The following NBPF8 variants were observed in gnomAD, a reference collection of about 807,000 sequenced individuals.
NBPF8 encodes NBPF family member NBPF8.
At chr1:120,421,000 G>A (rs1362616637) in intron 1 of NBPF8, among the ~76,000 whole-genome samples, 1 of 144,802 alleles carries the variant, frequency 6.9e-6, no homozygotes, top group Admixed American at 6.8e-5. Context: ...ACAAATGGAC[G>A]ATGTCAGACC....
chr1:120,462,376 T>A (rs2101697214), intron 20 of NBPF8, among the ~76,000 whole-genome samples, 179 bp downstream of exon 18: 1 of 149,606 alleles, frequency 6.7e-6, no homozygotes, highest in South Asian at 2.1e-4. Flanking sequence ...CCTCCCCTTA[T>A]CATTTACTAA....
intron 3 of NBPF8, among the ~76,000 whole-genome samples, chr1:120,428,138 C>G (rs1660772124): frequency 1.3e-5 from 2 of 151,846 alleles, no homozygotes; most frequent in Admixed American, 1.3e-4. Context: ...TTATAATATG[C>G]AAATTTGTTG....
At chr1:120,415,390 T>A (rs1447008032), upstream of NBPF8, among the ~76,000 whole-genome samples, 1 of 100,296 alleles carries the variant, frequency 1.0e-5, no homozygotes. Flanking sequence ...CGAGGCGGGG[T>A]GGGGGGTTGG....
At chr1:120,415,225 A>G (rs1292470593), upstream of NBPF8, among the ~76,000 whole-genome samples, 73,782 of 151,922 alleles carry the variant, frequency 0.49, 19,648 homozygotes, top group African/African-American at 0.69. Flanking sequence ...CACGGATGCC[A>G]TCTGGATGGG....
chr1:120,436,563 A>G lies in NBPF8; in HGVS notation n.211A>G, dbSNP rs1222993785. 5.2e-6 allele frequency: 8 copies of G among 1,538,626 alleles called. No individual in the cohort carries two copies. In the South Asian group the frequency reaches 6.7e-5, roughly 13 times the overall value. ...GGCCCTTGGTCCAGCGAGAAGGCAG[A>G]GATGAACATTCTAGAAATCAACGAG... On this transcript the variant is annotated non_coding_transcript_exon_variant, in exon 1 of 25. Transcript: ENST00000583271.
chr1:120,454,242 G>T lies in NBPF8; in HGVS notation n.2568+128G>T, dbSNP rs1661370120. 7 of 1,552,074 alleles carry T rather than the reference G, an allele frequency of 4.5e-6. No individual in the cohort carries two copies. In the Admixed American group the frequency reaches 1.2e-4, roughly 28 times the overall value. On this transcript the variant is annotated intron_variant and non_coding_transcript_variant, in intron 15 of 24. Coordinates refer to ENST00000583271, the Ensembl canonical transcript of NBPF8. Reference sequence around the variant, plus strand: ...TGATGGGTTTCTAAACAGATATCAGGGAGTTTTTTTGTCCTTCACAGCTAA... The same window carrying T: ...TGATGGGTTTCTAAACAGATATCAGTGAGTTTTTTTGTCCTTCACAGCTAA...
exon 1 of NBPF8, chr1:120,436,362 G>A (rs1312442002): frequency 6.5e-7 from 1 of 1,547,806 alleles, no homozygotes; most frequent in African/African-American, 1.4e-5. Context: ...AAGTGCTGTG[G>A]GAGTGATCAC....
chr1:120,422,671 T>TA (rs1660607661), intron 1 of NBPF8, among the ~76,000 whole-genome samples: 1 of 145,588 alleles, frequency 6.9e-6, no homozygotes, highest in Non-Finnish European at 1.5e-5. Context: ...TTTTGACAAT[T>TA]ATGATAAAAT....
downstream of NBPF8, among the ~76,000 whole-genome samples, chr1:120,467,974 C>G (rs1233083688): frequency 4.9e-5 from 7 of 141,822 alleles, no homozygotes; most frequent in East Asian, 5.5e-4. Flanking sequence ...GTGTGTGTGT[C>G]TGTGTGTGCC....
intron 24 of NBPF8, 61 bp from the exon 23 acceptor site, chr1:120,465,917 G>T (rs1405700933): frequency 6.3e-7 from 1 of 1,590,900 alleles, no homozygotes. Flanking sequence ...CTGAAATCTA[G>T]TGGGGCTCTG....
intron 1 of NBPF8, among the ~76,000 whole-genome samples, chr1:120,424,367 A>AT (rs1260072935): frequency 6.6e-6 from 1 of 151,848 alleles, no homozygotes; most frequent in Non-Finnish European, 1.5e-5. Context: ...AAGAAAAGGA[A>AT]TTTTTTAAAA....
At chr1:120,423,244 TC>T (rs1442338350) in intron 1 of NBPF8, among the ~76,000 whole-genome samples, 26 of 127,460 alleles carry the variant, frequency 2.0e-4, no homozygotes, top group Non-Finnish European at 3.5e-4. Context: ...CTCTTAGGAT[TC>T]TTATGGTTTT....
intron 12 of NBPF8, 119 bp from the exon 11 acceptor site, chr1:120,451,998 T>C: frequency 1.8e-6 from 2 of 1,115,582 alleles, no homozygotes; most frequent in South Asian, 1.2e-5. Flanking sequence ...TTTCAACATG[T>C]GCTGACCTTC....
upstream of NBPF8, among the ~76,000 whole-genome samples, chr1:120,415,821 C>T (rs761814170): frequency 3.3e-5 from 5 of 152,114 alleles, no homozygotes; most frequent in African/African-American, 4.8e-5. Flanking sequence ...GCAGGATTTC[C>T]GGTAGGTTGG....
upstream of NBPF8, among the ~76,000 whole-genome samples, chr1:120,419,499 TC>T (rs1472157522): frequency 2.0e-5 from 3 of 151,970 alleles, no homozygotes; most frequent in Admixed American, 6.5e-5. Flanking sequence ...TATTTTTTTT[TC>T]CCCCAGGCTG....
upstream of NBPF8, among the ~76,000 whole-genome samples, chr1:120,431,398 A>C (rs1660874228): frequency 1.1e-4 from 8 of 71,678 alleles, no homozygotes; most frequent in South Asian, 2.7e-3. Flanking sequence ...ATATATATAT[A>C]TATACAGACA....
intron 16 of NBPF8, among the ~76,000 whole-genome samples, chr1:120,456,826 C>T (rs1238548512): frequency 6.6e-5 from 10 of 151,912 alleles, no homozygotes; most frequent in Non-Finnish European, 1.0e-4. Flanking sequence ...CTGGTTATTT[C>T]GCCCGTTAGT....
chr1:120,455,889 T>G (rs1339976400), intron 16 of NBPF8, among the ~76,000 whole-genome samples: 8 of 152,204 alleles, frequency 5.3e-5, no homozygotes, highest in Non-Finnish European at 2.9e-5. Flanking sequence ...CTTTTCTGCT[T>G]TCTCTTGTGG....
At chr1:120,435,820 C>T (rs1327766610), upstream of NBPF8, among the ~76,000 whole-genome samples, 18 of 151,102 alleles carry the variant, frequency 1.2e-4, no homozygotes, top group Non-Finnish European at 2.2e-4. Flanking sequence ...GAGCCTAGAT[C>T]GCGTCACTGC....
Sources: allele counts gnomAD v4.1 joint callset (sites outside exome capture counted in the v4.1 genomes callset), GRCh38; gene constraint gnomAD v4.1.1; transcripts MANE v1.5; gene names NCBI Gene and HGNC (gene_info 2026-07-23, HGNC 2026-07-21).